Variants in ZNF521 observed in about 807,000 individuals in gnomAD.
ZNF521 encodes the protein LYST-interacting protein 3.
Under a neutral mutation model 105.5 loss-of-function variants are expected in ZNF521, and 14 were observed. The observed-to-expected ratio is 0.13, with a 90% CI of 0.09 to 0.21. ZNF521 has a LOEUF of 0.21. Among genes scored for constraint, ZNF521 ranks in the 10% least tolerant of loss-of-function variants. ZNF521 has a pLI of 1.00. For missense variants in ZNF521, 1,233 were observed against 1,629.7 expected (o/e 0.76, Z 4.19); for synonymous variants, 635 against 606.0 (o/e 1.05, Z -0.70).
At chr18:25,081,145 G>C in intron 7 of ZNF521, among the ~76,000 whole-genome samples, 1 of 141,358 alleles carries the variant, frequency 7.1e-6, no homozygotes, top group Non-Finnish European at 1.6e-5. Flanking sequence ...GGGAGGGAGG[G>C]GGCTGCAGAA....
At chr18:25,166,955 CT>C (rs1253099411) in intron 5 of ZNF521, among the ~76,000 whole-genome samples, 12 of 152,246 alleles carry the variant, frequency 7.9e-5, no homozygotes, top group South Asian at 4.1e-4. Flanking sequence ...ATAATGATTA[CT>C]TTTTTTCATT....
intron 5 of ZNF521, among the ~76,000 whole-genome samples, chr18:25,192,795 A>G (rs1403048868): frequency 6.6e-6 from 1 of 152,018 alleles, no homozygotes; most frequent in Non-Finnish European, 1.5e-5. Context: ...GAAAGACTAA[A>G]TAGCACATTG....
intron 7 of ZNF521, among the ~76,000 whole-genome samples, chr18:25,087,654 C>T (rs2033652509): frequency 1.3e-5 from 2 of 152,118 alleles, no homozygotes; most frequent in African/African-American, 4.8e-5. Context: ...GCTTTGATAC[C>T]TATGCAATAA....
chr18:25,267,180 G>C (rs553085965), intron 3 of ZNF521, among the ~76,000 whole-genome samples: 2 of 152,238 alleles, frequency 1.3e-5, no homozygotes, highest in African/African-American at 4.8e-5. Flanking sequence ...ACTGGACGGA[G>C]CCCACCGCAG....
In ZNF521 at chr18:25,352,122, C is replaced by T. The variant is rs1400887407; in HGVS notation, c.-119G>A. 3 of 458,284 alleles carry T rather than the reference C, an allele frequency of 6.5e-6. No individual in the cohort carries two copies. The highest frequency in any genetic ancestry group is 1.3e-5 in the Non-Finnish European group (3 of 225,746). The allele number at this position is 458,284 out of a possible 1,614,324, so 28.4% of individuals were successfully genotyped here. On this transcript the variant is annotated 5_prime_UTR_variant, in exon 1 of 8. Transcript: ENST00000361524. ...AGGGGGCCCCTAACCCGCAGGGACT[C>T]GCTCTGTACGTAATCACTGAGGAAA...
chr18:25,141,432 AG>A (rs2034845592), intron 5 of ZNF521, among the ~76,000 whole-genome samples: 1 of 152,194 alleles, frequency 6.6e-6, no homozygotes. Flanking sequence ...TTTGGAAGTT[AG>A]GGCATCCCCT....
intron 5 of ZNF521, among the ~76,000 whole-genome samples, chr18:25,152,056 C>G (rs991842599): frequency 6.6e-6 from 1 of 152,122 alleles, no homozygotes. Flanking sequence ...GAGGAATGAT[C>G]CCAAAAGACC....
intron 3 of ZNF521, among the ~76,000 whole-genome samples, chr18:25,320,511 T>C (rs1282227942): frequency 6.6e-6 from 1 of 152,140 alleles, no homozygotes; most frequent in East Asian, 1.9e-4. Context: ...ATACTATAGA[T>C]ATGTAAGAGA....
intron 4 of ZNF521, among the ~76,000 whole-genome samples, chr18:25,210,807 C>T (rs572974072): frequency 1.2e-4 from 18 of 152,328 alleles, no homozygotes; most frequent in African/African-American, 4.1e-4. Flanking sequence ...TTCTCTCCCA[C>T]GACTCTGTCC....
chr18:25,173,959 G>A (rs2144568202), intron 5 of ZNF521, among the ~76,000 whole-genome samples: 1 of 152,038 alleles, frequency 6.6e-6, no homozygotes, highest in South Asian at 2.1e-4. Flanking sequence ...CATTTTATCT[G>A]GCAAAAAGTA....
intron 5 of ZNF521, among the ~76,000 whole-genome samples, chr18:25,157,559 C>T (rs994059628): frequency 2.6e-5 from 4 of 152,138 alleles, no homozygotes; most frequent in Non-Finnish European, 5.9e-5. Flanking sequence ...CCGTGCAAAA[C>T]GTCTAAGTGG....
At chr18:25,101,025 A>T (rs1348119650) in intron 5 of ZNF521, among the ~76,000 whole-genome samples, 1 of 152,180 alleles carries the variant, frequency 6.6e-6, no homozygotes, top group Non-Finnish European at 1.5e-5. Context: ...CATGTATTCT[A>T]AATTAAACCC....
At chr18:25,303,298 G>C (rs111953306) in intron 3 of ZNF521, among the ~76,000 whole-genome samples, 8 of 122,052 alleles carry the variant, frequency 6.6e-5, no homozygotes, top group African/African-American at 2.5e-4. Flanking sequence ...GTGTGTGTGT[G>C]TGTGTGTGTG....
At chr18:25,270,025 T>C (rs1183199170) in intron 3 of ZNF521, among the ~76,000 whole-genome samples, 1 of 152,036 alleles carries the variant, frequency 6.6e-6, no homozygotes, top group African/African-American at 2.4e-5. Context: ...CAAAAAAAGA[T>C]AGACCACTAC....
At chr18:25,088,051 G>A (rs1016111362) in intron 7 of ZNF521, among the ~76,000 whole-genome samples, 3 of 152,058 alleles carry the variant, frequency 2.0e-5, no homozygotes, top group African/African-American at 7.2e-5. Flanking sequence ...ACTGAGGAGT[G>A]GGTGGGCTCC....
intron 5 of ZNF521, among the ~76,000 whole-genome samples, chr18:25,116,534 A>T (rs1250587989): frequency 1.3e-5 from 2 of 152,148 alleles, no homozygotes; most frequent in African/African-American, 4.8e-5. Flanking sequence ...GTGGAATGGG[A>T]GTGCCACTTG....
intron 5 of ZNF521, among the ~76,000 whole-genome samples, chr18:25,096,798 A>G (rs2033860472): frequency 6.6e-6 from 1 of 152,138 alleles, no homozygotes; most frequent in Non-Finnish European, 1.5e-5. Flanking sequence ...CACTGCATAA[A>G]TCTATAGGCT....
intron 4 of ZNF521, among the ~76,000 whole-genome samples, chr18:25,199,282 C>T (rs2035953024): frequency 6.6e-6 from 1 of 151,064 alleles, no homozygotes; most frequent in Non-Finnish European, 1.5e-5. Context: ...AAGAAATGGC[C>T]TATTGTCATG....
chr18:25,066,198 A>G (rs936939097), intron 7 of ZNF521, among the ~76,000 whole-genome samples: 3 of 152,154 alleles, frequency 2.0e-5, no homozygotes, highest in Admixed American at 6.5e-5. Context: ...GGGTGTCCCC[A>G]GGCCTGGCTG....
Sources: allele counts gnomAD v4.1 joint callset (sites outside exome capture counted in the v4.1 genomes callset), GRCh38; gene constraint gnomAD v4.1.1; transcripts MANE v1.5; gene names NCBI Gene and HGNC (gene_info 2026-07-23, HGNC 2026-07-21).